ATXN2: variants seen among roughly 807,000 people sequenced by gnomAD.
The protein encoded by ATXN2 is ataxin-2.
ATXN2 carries 37 observed loss-of-function variants against 138.6 expected under a neutral mutation model. The ratio of observed to expected loss-of-function variants is 0.27; its 90% CI spans 0.21 to 0.35. ATXN2 has a LOEUF of 0.35. ATXN2 is among the 10% of genes least tolerant of loss of function. The pLI is 1.00. For synonymous variants in ATXN2, 549 were observed against 543.7 expected (o/e 1.01, Z -0.13); for missense variants, 1,216 against 1,480.3 (o/e 0.82, Z 2.93).
At chr12:111,458,228 A>G (rs1875276876) in intron 21 of ATXN2, 1 of 151,044 alleles carries the variant, frequency 6.6e-6, no homozygotes, top group South Asian at 2.1e-4. Context: ...CCCAGGTTCA[A>G]GCAATTCTCC....
rs1884049410 is a variant in ATXN2 at position 111,582,316 on chromosome 12, A to T, written c.251+16468T>A. ...AAAAATTAACCAGGCATGATGGCACACACATGTGGTCCCAAGCTACTCAGG... is the reference window on the plus strand; with the variant it reads ...AAAAATTAACCAGGCATGATGGCACTCACATGTGGTCCCAAGCTACTCAGG... On this transcript the variant is annotated intron_variant, in intron 1 of 24. Coordinates refer to ENST00000673436, the MANE Select transcript of ATXN2 (RefSeq NM_001372574.1). Among the ~76,000 whole-genome samples, 2 of 145,428 alleles carry T rather than the reference A, an allele frequency of 1.4e-5. 1 individual carries two copies. The highest frequency in any genetic ancestry group is 4.5e-4 in the South Asian group (2 of 4,396).
intron 21 of ATXN2, among the ~76,000 whole-genome samples, chr12:111,462,893 T>C (rs1206621753): frequency 6.6e-6 from 1 of 152,038 alleles, no homozygotes; most frequent in African/African-American, 2.4e-5. Flanking sequence ...AGACTCCTTT[T>C]TAAAGAGCAT....
At chr12:111,587,676 A>G (rs1884413104) in intron 1 of ATXN2, among the ~76,000 whole-genome samples, 1 of 152,148 alleles carries the variant, frequency 6.6e-6, no homozygotes. Context: ...AAATTTAAAA[A>G]AAAACTGATC....
chr12:111,578,559 C>A (rs1251575378), intron 1 of ATXN2, among the ~76,000 whole-genome samples: 2 of 152,000 alleles, frequency 1.3e-5, no homozygotes, highest in Middle Eastern at 3.2e-3. Context: ...GTAGGTATAC[C>A]ATCTAGGCTT....
intron 1 of ATXN2, among the ~76,000 whole-genome samples, chr12:111,582,208 C>T (rs1443472341): frequency 6.6e-6 from 1 of 152,052 alleles, no homozygotes; most frequent in Non-Finnish European, 1.5e-5. Context: ...CTTTGGGAGG[C>T]GAAGGCGGGC....
At chr12:111,565,513 C>T (rs1882950632) in intron 1 of ATXN2, among the ~76,000 whole-genome samples, 1 of 151,994 alleles carries the variant, frequency 6.6e-6, no homozygotes, top group African/African-American at 2.4e-5. Context: ...ATTATTGTAT[C>T]TGTTATAGTA....
intron 1 of ATXN2, among the ~76,000 whole-genome samples, chr12:111,589,018 A>AAAAAAAAAAAAAAAAAAAAAC (rs1566084089): frequency 7.2e-6 from 1 of 138,924 alleles, no homozygotes; most frequent in Non-Finnish European, 1.5e-5. Context: ...AAAAAAAAAA[A>AAAAAAAAAAAAAAAAAAAAAC]AAAAAACTAA....
intron 7 of ATXN2, among the ~76,000 whole-genome samples, chr12:111,520,607 C>T (rs994689474): frequency 1.6e-4 from 24 of 152,136 alleles, no homozygotes; most frequent in Non-Finnish European, 3.2e-4. Flanking sequence ...GCCGAGATTG[C>T]ACCACTGCAC....
intron 1 of ATXN2, chr12:111,597,694 C>T: frequency 2.0e-6 from 1 of 510,466 alleles, no homozygotes; most frequent in East Asian, 6.8e-5. Context: ...ACTGAGCCCC[C>T]AGCCCCTACT....
chr12:111,476,328 C>T (rs1380360225), intron 18 of ATXN2, among the ~76,000 whole-genome samples: 2 of 152,000 alleles, frequency 1.3e-5, no homozygotes, highest in African/African-American at 4.8e-5. Context: ...GAAAACAAAC[C>T]CACCTCTGCA....
At chr12:111,568,993 T>C (rs1176587361) in intron 1 of ATXN2, among the ~76,000 whole-genome samples, 1 of 49,448 alleles carries the variant, frequency 2.0e-5, no homozygotes, top group Non-Finnish European at 2.9e-5. Flanking sequence ...TAGAGTTTTT[T>C]TTGTTTTGTT....
At chr12:111,531,677 A>G (rs955406641) in intron 5 of ATXN2, among the ~76,000 whole-genome samples, 1 of 152,236 alleles carries the variant, frequency 6.6e-6, no homozygotes, top group African/African-American at 2.4e-5. Context: ...AAACACAGTT[A>G]AGGGTGCAGG....
chr12:111,552,875 T>C lies in ATXN2; in HGVS notation c.420+31A>G. On this transcript the variant is annotated intron_variant, in intron 4 of 24. Transcript: ENST00000673436. This position sits in a 1 kb window ranked among gnomAD's most constrained non-coding sequence, Gnocchi z 4.1. ...CTGACTATGAAAATGTTCTTTTACT[T>C]TGTAAGAAAAAGAAAAAAAGTAAAA... The C allele has an allele frequency of 7.0e-7, 1 of 1,429,418 alleles. No individual in the cohort carries two copies. The highest frequency in any genetic ancestry group is 9.5e-7 in the Non-Finnish European group (1 of 1,050,532). 88.5% of individuals were successfully genotyped at this position (1,429,418 alleles called of 1,614,324 possible).
chr12:111,502,988 A>G (rs1399848513), intron 14 of ATXN2, among the ~76,000 whole-genome samples: 1 of 152,200 alleles, frequency 6.6e-6, no homozygotes, highest in African/African-American at 2.4e-5. Context: ...TGTTACGCAC[A>G]TGATGTATAG....
At chr12:111,571,312 C>T (rs972765127) in intron 1 of ATXN2, among the ~76,000 whole-genome samples, 1 of 152,204 alleles carries the variant, frequency 6.6e-6, no homozygotes, top group Non-Finnish European at 1.5e-5. Flanking sequence ...TAACTTTAGG[C>T]ATTCTCCACA....
At chr12:111,564,451 G>A (rs971446532) in intron 1 of ATXN2, among the ~76,000 whole-genome samples, 1 of 150,806 alleles carries the variant, frequency 6.6e-6, no homozygotes, top group Non-Finnish European at 1.5e-5. Context: ...TTCCTCAAGA[G>A]TTGCTTATGG....
chr12:111,543,743 A>G (rs1341119138), intron 5 of ATXN2, among the ~76,000 whole-genome samples: 2 of 152,226 alleles, frequency 1.3e-5, no homozygotes, highest in East Asian at 3.8e-4. Flanking sequence ...AATAGAGTAC[A>G]TGGCGTATAT....
chr12:111,526,458 G>A (rs2135748964), intron 5 of ATXN2, among the ~76,000 whole-genome samples: 1 of 149,706 alleles, frequency 6.7e-6, no homozygotes, highest in African/African-American at 2.5e-5. Flanking sequence ...AGACCGGAGT[G>A]CAGTGACACC....
chr12:111,509,581 C>A lies in ATXN2; in HGVS notation c.1903G>T (p.Asp635Tyr). The A allele has an allele frequency of 6.7e-7, 1 of 1,488,848 alleles. No individual in the cohort carries two copies. The highest frequency in any genetic ancestry group is 1.2e-5 in the South Asian group (1 of 84,568). The allele number at this position is 1,488,848 out of a possible 1,614,324, so 92.2% of individuals were successfully genotyped here. A position where few individuals can be genotyped will look rare whatever the true frequency, so the allele number is the denominator to read the frequency against. The change falls in exon 14 of 25, where the codon GAT (aspartate) becomes TAT (tyrosine). Residue 635 changes from aspartate (D) to tyrosine (Y), a missense_variant. Coordinates refer to ENST00000673436, the MANE Select transcript of ATXN2 (RefSeq NM_001372574.1). ...TCATTCTTAAATTTCTTTAAATCATCAATCTGTTTTCTATGTTCAGAAACA... is the reference window on the plus strand; with the variant it reads ...TCATTCTTAAATTTCTTTAAATCATAAATCTGTTTTCTATGTTCAGAAACA... The part of the protein sequence containing the change: ...PVVSEHRKQI[D>Y]DLKKFKNDFR...
Sources: gnomAD v4.1 joint callset for allele counts (sites outside exome capture counted in the v4.1 genomes callset) on GRCh38, gnomAD v4.1.1 for gene constraint, Gnocchi (gnomAD v3.1) non-coding constraint, MANE v1.5 for transcripts, NCBI Gene and HGNC (gene_info 2026-07-23, HGNC 2026-07-21) for gene names.